The following CLSTN2 variants were observed in gnomAD, a reference collection of about 807,000 sequenced individuals.
The protein encoded by CLSTN2 is calsyntenin 2.
In CLSTN2, 48 loss-of-function variants were observed where a neutral mutation model predicts 101.2. The ratio of observed to expected loss-of-function variants is 0.47; its 90% CI spans 0.38 to 0.60. The LOEUF (loss-of-function observed/expected upper bound fraction) is 0.60, where lower values mean the gene tolerates loss of function less well. Among genes scored for constraint, CLSTN2 ranks in the 20% least tolerant of loss-of-function variants. The pLI is 0.00. For missense variants in CLSTN2, 1,160 were observed against 1,238.2 expected, an observed-to-expected ratio of 0.94 and a Z score of 0.95; for synonymous variants, 481 against 463.6, an observed-to-expected ratio of 1.04 and a Z score of -0.48.
chr3:140,043,717 G>T (rs2007808898), intron 1 of CLSTN2, among the ~76,000 whole-genome samples: 1 of 152,144 alleles, frequency 6.6e-6, no homozygotes, highest in African/African-American at 2.4e-5. Context: ...TGTAAGGAAG[G>T]GATCCAGTTT....
intron 1 of CLSTN2, among the ~76,000 whole-genome samples, chr3:140,074,023 T>C (rs1051768578): frequency 1.3e-5 from 2 of 152,158 alleles, no homozygotes; most frequent in Non-Finnish European, 2.9e-5. Context: ...CAGGTGCTGC[T>C]GCCTGGTGGT....
At chr3:139,971,047 T>C (rs923983936) in intron 1 of CLSTN2, among the ~76,000 whole-genome samples, 2 of 152,232 alleles carry the variant, frequency 1.3e-5, no homozygotes, top group Non-Finnish European at 2.9e-5. Context: ...TTTAGAATTA[T>C]CAAACTTTCT....
intron 2 of CLSTN2, among the ~76,000 whole-genome samples, chr3:140,192,961 T>C (rs920147478): frequency 6.6e-6 from 1 of 151,938 alleles, no homozygotes; most frequent in African/African-American, 2.4e-5. Flanking sequence ...TGGCTTTTTT[T>C]AGTGGTTGAT....
intron 1 of CLSTN2, among the ~76,000 whole-genome samples, chr3:140,014,435 T>C (rs1349498507): frequency 6.6e-6 from 1 of 152,000 alleles, no homozygotes; most frequent in Non-Finnish European, 1.5e-5. Flanking sequence ...GCCAGGCTGG[T>C]CTCAAACTCC....
At chr3:140,478,333 G>GAAA (rs58667320) in intron 8 of CLSTN2, among the ~76,000 whole-genome samples, 1 of 112,578 alleles carries the variant, frequency 8.9e-6, no homozygotes, top group Non-Finnish European at 2.0e-5. Context: ...AAAACATCCA[G>GAAA]AAAAAAAAAA....
At chr3:140,191,172 T>C (rs2010561501) in intron 2 of CLSTN2, among the ~76,000 whole-genome samples, 2 of 152,054 alleles carry the variant, frequency 1.3e-5, no homozygotes, top group South Asian at 4.1e-4. Flanking sequence ...CATTCATCAA[T>C]ATGAATATGT....
At chr3:140,296,488 T>G (rs1244638391) in intron 2 of CLSTN2, among the ~76,000 whole-genome samples, 1 of 152,358 alleles carries the variant, frequency 6.6e-6, no homozygotes, top group South Asian at 2.1e-4. Flanking sequence ...TGATTACTAG[T>G]AAGGCAGAGC....
chr3:139,939,513 A>G (rs1935090583), intron 1 of CLSTN2, among the ~76,000 whole-genome samples: 1 of 152,232 alleles, frequency 6.6e-6, no homozygotes, highest in Non-Finnish European at 1.5e-5. Context: ...TGAGTTACCC[A>G]GGAGCCCTTG....
chr3:140,495,004 G>T (rs894018287), intron 8 of CLSTN2, among the ~76,000 whole-genome samples: 1 of 152,162 alleles, frequency 6.6e-6, no homozygotes, highest in Non-Finnish European at 1.5e-5. Flanking sequence ...GGGTCAAATT[G>T]TATTTCTGCC....
intron 16 of CLSTN2, 88 bp from the exon 17 acceptor site, chr3:140,565,965 G>T: frequency 2.6e-6 from 4 of 1,536,256 alleles, no homozygotes; most frequent in Non-Finnish European, 3.6e-6. Context: ...GGCCGTAAAT[G>T]TTTCCTTAAT....
intron 2 of CLSTN2, among the ~76,000 whole-genome samples, chr3:140,282,316 T>C (rs2086855816): frequency 6.6e-6 from 1 of 152,122 alleles, no homozygotes; most frequent in Non-Finnish European, 1.5e-5. Context: ...CCTTTAAGCC[T>C]CACAAAAGGA....
At chr3:140,197,567 G>T (rs1330042679) in intron 2 of CLSTN2, among the ~76,000 whole-genome samples, 1 of 152,104 alleles carries the variant, frequency 6.6e-6, no homozygotes, top group African/African-American at 2.4e-5. Flanking sequence ...GGCATTACTC[G>T]TTCTGATCGC....
At chr3:140,561,480 C>T (rs1486153788) in intron 12 of CLSTN2, among the ~76,000 whole-genome samples, 1 of 152,068 alleles carries the variant, frequency 6.6e-6, no homozygotes, top group Non-Finnish European at 1.5e-5. Flanking sequence ...TAATGTGCTC[C>T]CCTGGGAGTA....
intron 1 of CLSTN2, among the ~76,000 whole-genome samples, chr3:140,133,188 G>C (rs2009548183): frequency 6.6e-6 from 1 of 152,022 alleles, no homozygotes; most frequent in African/African-American, 2.4e-5. Flanking sequence ...GGGGTGCCAG[G>C]CTCCTTTAAA....
chr3:140,564,270 G>T lies in CLSTN2; in HGVS notation c.2667+125G>T, dbSNP rs1935989340. 3.9e-6 allele frequency: 3 copies of T among 775,318 alleles called. No homozygotes were observed. The South Asian group carries it at 5.1e-5, about 13-fold the overall frequency. The allele number at this position is 775,318 out of a possible 1,614,324, so 48.0% of individuals were successfully genotyped here. ...TGGAAGCCCTGCCCCATCTAGTCCA[G>T]CTCCACTGATTCTTCCTGTCTCTGA... is the stretch of plus-strand genomic sequence containing the variant. On this transcript the variant is annotated intron_variant, in intron 16 of 16. Coordinates refer to ENST00000458420, the MANE Select transcript of CLSTN2 (RefSeq NM_022131.3).
At chr3:140,520,018 T>G (rs1934994810) in intron 8 of CLSTN2, among the ~76,000 whole-genome samples, 1 of 152,228 alleles carries the variant, frequency 6.6e-6, no homozygotes, top group Non-Finnish European at 1.5e-5. Flanking sequence ...ACAAATTCCC[T>G]CAGCATTTGC....
chr3:140,265,940 C>T (rs531203995), intron 2 of CLSTN2, among the ~76,000 whole-genome samples: 1 of 152,252 alleles, frequency 6.6e-6, no homozygotes, highest in South Asian at 2.1e-4. Context: ...TTCTTGGATC[C>T]CTCACTGCAT....
At chr3:140,533,489 C>T (rs993048596) in intron 9 of CLSTN2, among the ~76,000 whole-genome samples, 2 of 152,080 alleles carry the variant, frequency 1.3e-5, no homozygotes, top group Non-Finnish European at 2.9e-5. Context: ...GCGGGCAGAT[C>T]ACGAGGTCAG....
intron 1 of CLSTN2, among the ~76,000 whole-genome samples, chr3:140,138,572 A>T (rs1023261266): frequency 1.3e-5 from 2 of 152,238 alleles, no homozygotes; most frequent in Admixed American, 1.3e-4. Flanking sequence ...AATCTGAAGG[A>T]CAAACTCATC....
Sources: gnomAD v4.1 joint callset for allele counts (sites outside exome capture counted in the v4.1 genomes callset) on GRCh38, gnomAD v4.1.1 for gene constraint, MANE v1.5 for transcripts, NCBI Gene and HGNC (gene_info 2026-07-23, HGNC 2026-07-21) for gene names.